The following TTC29 variants were observed in gnomAD, a reference collection of about 807,000 sequenced individuals.
TTC29 encodes the protein tetratricopeptide repeat domain 29.
A neutral mutation model predicts 58.1 loss-of-function variants in TTC29; 49 were observed. The ratio of observed to expected loss-of-function variants is 0.84; its 90% confidence interval spans 0.67 to 1.07. The LOEUF (loss-of-function observed/expected upper bound fraction) is 1.07. TTC29 is among the 50% of genes least tolerant of loss of function. TTC29 has a pLI of 0.00. For missense variants in TTC29, 582 were observed against 555.6 expected (o/e 1.05, Z -0.48); for synonymous variants, 209 against 196.8 (o/e 1.06, Z -0.52).
intron 11 of TTC29, among the ~76,000 whole-genome samples, chr4:146,777,595 C>CT (rs1309599976): frequency 9.2e-5 from 14 of 152,092 alleles, no homozygotes; most frequent in Admixed American, 2.6e-4. Flanking sequence ...TTTGCCAGTC[C>CT]TTTCTTCTCC....
intron 11 of TTC29, among the ~76,000 whole-genome samples, chr4:146,725,670 C>T (rs976107414): frequency 2.6e-5 from 4 of 152,122 alleles, no homozygotes; most frequent in Non-Finnish European, 4.4e-5. Flanking sequence ...TATCTGTCTG[C>T]CTGTCTATCC....
In TTC29 at chr4:146,736,671, T is replaced by C. The variant is rs149524664; in HGVS notation, c.1331-29120A>G. ...CACTTGATGGACATTTAACCTGTTA[T>C]GGGACATTAAGTAAAGCTACCCTGA... On this transcript the variant is annotated intron_variant, in intron 11 of 12. Coordinates refer to ENST00000325106, the MANE Select transcript of TTC29 (RefSeq NM_031956.4). Among the ~76,000 whole-genome samples the C allele has an allele frequency of 5.5e-3, 840 of 152,282 alleles. 4 individuals are homozygous for C. The highest frequency in any genetic ancestry group is 0.027 in the Middle Eastern group (8 of 294).
chr4:146,815,155 G>T (rs1389188619), intron 10 of TTC29, among the ~76,000 whole-genome samples: 1 of 152,118 alleles, frequency 6.6e-6, no homozygotes, highest in African/African-American at 2.4e-5. Flanking sequence ...TGCGGGGGTG[G>T]GAGGGAAGAG....
At position 146,756,134 on chromosome 4, in the gene TTC29, C is replaced by T. The variant is rs188007385; in HGVS notation, c.1330+47323G>A. On this transcript the variant is annotated intron_variant, in intron 11 of 12. Transcript: ENST00000325106. ...CTAAAAATACAAAAAATTAGCCAGG[C>T]GTAGTGGCAGGTGCCTGTAGTCCCA... Among the ~76,000 whole-genome samples, 288 of 151,976 alleles carry T rather than the reference C, an allele frequency of 1.9e-3. 2 individuals carry two copies. Among genetic ancestry groups the T allele is most frequent in the African/African-American group, 6.4e-3 (266 of 41,468 alleles).
Position 146,708,326 on chromosome 4 carries a change from A to ATACATGTATGTGTGTG in TTC29, c.1331-776_1331-775insCACACACATACATGTA, listed in dbSNP as rs1554002703. ...GGGAAGTTTATATATATATATATAT[A>ATACATGTATGTGTGTG]TATATATATATATATATATATATAT... On this transcript the variant is annotated intron_variant, in intron 11 of 12. Coordinates refer to ENST00000325106, the MANE Select transcript of TTC29 (RefSeq NM_031956.4). 7.5e-3 allele frequency among the ~76,000 whole-genome samples: 293 copies of ATACATGTATGTGTGTG among 39,322 alleles called. 15 individuals are homozygous for ATACATGTATGTGTGTG. Among genetic ancestry groups the ATACATGTATGTGTGTG allele is most frequent in the African/African-American group, 0.016 (279 of 17,488 alleles). The allele number at this position is 39,322 out of a possible 152,430, so 25.8% of individuals were successfully genotyped here.
intron 11 of TTC29, among the ~76,000 whole-genome samples, chr4:146,788,017 A>G (rs998981683): frequency 5.3e-5 from 8 of 152,076 alleles, no homozygotes; most frequent in Non-Finnish European, 8.8e-5. Flanking sequence ...AGCAACTGTC[A>G]GTTTATTTTA....
At chr4:146,817,081 G>C (rs967994553) in intron 10 of TTC29, among the ~76,000 whole-genome samples, 3 of 152,140 alleles carry the variant, frequency 2.0e-5, no homozygotes, top group Non-Finnish European at 4.4e-5. Context: ...GTTCTGGCCA[G>C]GGCAATTAGG....
chr4:146,714,447 A>G (rs1742769674), intron 11 of TTC29, among the ~76,000 whole-genome samples: 1 of 152,142 alleles, frequency 6.6e-6, no homozygotes, highest in Non-Finnish European at 1.5e-5. Flanking sequence ...ATAGACATTT[A>G]CTGGCATTAT....
At chr4:146,749,463 AC>A (rs1384648707) in intron 11 of TTC29, among the ~76,000 whole-genome samples, 1 of 152,136 alleles carries the variant, frequency 6.6e-6, no homozygotes, top group African/African-American at 2.4e-5. Context: ...TTCTGAAATG[AC>A]CTCCATCAGA....
chr4:146,813,687 A>G (rs1751178562), intron 10 of TTC29, among the ~76,000 whole-genome samples: 1 of 152,228 alleles, frequency 6.6e-6, no homozygotes, highest in Non-Finnish European at 1.5e-5. Context: ...ATATTATACA[A>G]AAATGAAATA....
intron 4 of TTC29, among the ~76,000 whole-genome samples, chr4:146,932,860 TC>T (rs1735450446): frequency 6.6e-6 from 1 of 151,794 alleles, no homozygotes; most frequent in African/African-American, 2.4e-5. Context: ...ATAGAGACCA[TC>T]CTGGCCAACA....
At chr4:146,943,482 C>G (rs1580055060) in intron 2 of TTC29, among the ~76,000 whole-genome samples, 2 of 152,034 alleles carry the variant, frequency 1.3e-5, no homozygotes, top group Non-Finnish European at 2.9e-5. Flanking sequence ...CTATGTTGGA[C>G]AGTTTAAGCT....
intron 8 of TTC29, among the ~76,000 whole-genome samples, chr4:146,853,605 G>A (rs1729648176): frequency 6.6e-6 from 1 of 151,820 alleles, no homozygotes; most frequent in South Asian, 2.1e-4. Context: ...ATATATTAAT[G>A]ATTTTATGAA....
At chr4:146,938,648 G>T (rs1216145832) in intron 3 of TTC29, among the ~76,000 whole-genome samples, 2 of 152,048 alleles carry the variant, frequency 1.3e-5, no homozygotes, top group East Asian at 1.9e-4. Flanking sequence ...TATAGGAAAA[G>T]AAAATTTTGA....
At chr4:146,727,177 A>G (rs7663478) in intron 11 of TTC29, among the ~76,000 whole-genome samples, 3 of 152,030 alleles carry the variant, frequency 2.0e-5, no homozygotes, top group Non-Finnish European at 4.4e-5. Flanking sequence ...AATATATATT[A>G]GATATCATTC....
At chr4:146,746,953 A>G (rs889744395) in intron 11 of TTC29, among the ~76,000 whole-genome samples, 2 of 152,198 alleles carry the variant, frequency 1.3e-5, no homozygotes, top group African/African-American at 2.4e-5. Context: ...GAAATCCTGT[A>G]GAACACAGAA....
At position 146,903,721 on chromosome 4, in the gene TTC29, C is replaced by T. The variant is rs753782633; in HGVS notation, c.409G>A (p.Glu137Lys). 5.1e-6 allele frequency: 8 copies of T among 1,568,244 alleles called. No individual in the cohort carries two copies. Among genetic ancestry groups the T allele is most frequent in the African/African-American group, 1.4e-5 (1 of 72,812 alleles). Residue 137 changes from glutamate to lysine, a missense_variant, in exon 6 of 13, where the codon GAA becomes AAA. Transcript: ENST00000325106. The part of the protein sequence containing the change: ...AEDAERKESF[E>K]DVHNNLYALA... ...GCATACAAGTTATTATGTACATCTTCGAAGGATTCTTCAAAGAGAGAAAAG... is the reference window on the plus strand; with the variant it reads ...GCATACAAGTTATTATGTACATCTTTGAAGGATTCTTCAAAGAGAGAAAAG...
intron 8 of TTC29, among the ~76,000 whole-genome samples, chr4:146,860,954 T>C (rs977984609): frequency 3.9e-5 from 6 of 152,216 alleles, no homozygotes; most frequent in African/African-American, 1.4e-4. Flanking sequence ...GAATAAATAA[T>C]AGTAATGGGG....
intron 8 of TTC29, among the ~76,000 whole-genome samples, chr4:146,846,411 G>T (rs898661609): frequency 1.3e-5 from 2 of 152,120 alleles, no homozygotes; most frequent in South Asian, 4.1e-4. Flanking sequence ...TATTTGGAAC[G>T]ATTCTTCTTA....
Sources: gnomAD v4.1 joint callset for allele counts (sites outside exome capture counted in the v4.1 genomes callset) on GRCh38, gnomAD v4.1.1 for gene constraint, MANE v1.5 for transcripts, NCBI Gene and HGNC (gene_info 2026-07-23, HGNC 2026-07-21) for gene names.